The following ZNF804B variants were observed in gnomAD, a reference collection of about 807,000 sequenced individuals.
ZNF804B encodes the protein zinc finger 804B.
A neutral mutation model predicts 101.4 loss-of-function variants in ZNF804B; 80 were observed. That is an observed-to-expected ratio of 0.79 (90% CI 0.66 to 0.95). The LOEUF (loss-of-function observed/expected upper bound fraction) is 0.95. Ranked by LOEUF, ZNF804B falls within the 40% of genes least tolerant of loss-of-function variation. ZNF804B has a pLI of 0.00. For missense variants in ZNF804B, 1,673 were observed against 1,561.9 expected (o/e 1.07, Z -1.20); for synonymous variants, 622 against 558.8 (o/e 1.11, Z -1.59).
At chr7:88,898,516 T>C (rs1175550106) in intron 1 of ZNF804B, among the ~76,000 whole-genome samples, 2 of 151,988 alleles carry the variant, frequency 1.3e-5, no homozygotes, top group African/African-American at 4.8e-5. Flanking sequence ...ATCTAATTGT[T>C]CACATGTGAA....
chr7:89,230,026 G>A (rs549452357), intron 2 of ZNF804B, among the ~76,000 whole-genome samples: 2 of 152,112 alleles, frequency 1.3e-5, no homozygotes, highest in African/African-American at 4.8e-5. Context: ...TTTGTGGAAT[G>A]CGGCAAAGAG....
intron 1 of ZNF804B, among the ~76,000 whole-genome samples, chr7:88,830,512 G>GT (rs1791116449): frequency 6.6e-6 from 1 of 151,780 alleles, no homozygotes; most frequent in African/African-American, 2.4e-5. Flanking sequence ...TACTCAAAAT[G>GT]TTAACACACC....
At chr7:89,232,296 A>G (rs1262017858) in intron 2 of ZNF804B, among the ~76,000 whole-genome samples, 1 of 152,092 alleles carries the variant, frequency 6.6e-6, no homozygotes, top group Non-Finnish European at 1.5e-5. Context: ...ATGGTGGATA[A>G]CATCTTTTTT....
intron 2 of ZNF804B, among the ~76,000 whole-genome samples, chr7:89,234,045 G>A (rs1789242210): frequency 6.6e-6 from 1 of 152,120 alleles, no homozygotes; most frequent in Admixed American, 6.5e-5. Context: ...TTTGCAAAAG[G>A]GAGCTAATTC....
At chr7:89,292,987 T>C (rs1297210886) in intron 2 of ZNF804B, among the ~76,000 whole-genome samples, 2 of 152,178 alleles carry the variant, frequency 1.3e-5, no homozygotes, top group East Asian at 3.9e-4. Context: ...GGATATTTCA[T>C]AGTTATAATT....
chr7:88,911,857 A>G (rs976361315), intron 1 of ZNF804B, among the ~76,000 whole-genome samples: 9 of 151,586 alleles, frequency 5.9e-5, no homozygotes, highest in African/African-American at 2.2e-4. Flanking sequence ...CTGGTTATTT[A>G]TATTTATGGA....
intron 1 of ZNF804B, among the ~76,000 whole-genome samples, chr7:88,805,912 G>A (rs535427380): frequency 7.6e-4 from 115 of 151,514 alleles, no homozygotes; most frequent in Non-Finnish European, 1.5e-3. Context: ...AGGCAAAGCT[G>A]TTCTGGGCTC....
chr7:89,275,894 G>C (rs1789972666), intron 2 of ZNF804B, among the ~76,000 whole-genome samples: 1 of 151,550 alleles, frequency 6.6e-6, no homozygotes, highest in South Asian at 2.1e-4. Context: ...AAACCTCTTG[G>C]ATTTGCAAAG....
intron 1 of ZNF804B, among the ~76,000 whole-genome samples, chr7:89,190,916 T>A (rs551465722): frequency 1.3e-5 from 2 of 152,284 alleles, no homozygotes; most frequent in Non-Finnish European, 1.5e-5. Context: ...GTAATGCTAT[T>A]GCACACATAA....
rs1474259138 is a variant in ZNF804B, at chr7:88,888,995, C to T, written c.108+128911C>T. Among the ~76,000 whole-genome samples the T allele has an allele frequency of 1.3e-5, 2 of 152,074 alleles. 1 individual carries two copies. Among genetic ancestry groups the T allele is most frequent in the Admixed American group, 1.3e-4 (2 of 15,242 alleles). ...GTCTGTTGTTCCCATCTTTATGCTC[C>T]TGTGTGCTCATTGTTTAACTCCCAC... On this transcript the variant is annotated intron_variant, in intron 1 of 3. Coordinates refer to ENST00000333190, the MANE Select transcript of ZNF804B (RefSeq NM_181646.5).
At chr7:88,983,352 A>C (rs1793718089) in intron 1 of ZNF804B, among the ~76,000 whole-genome samples, 1 of 152,080 alleles carries the variant, frequency 6.6e-6, no homozygotes, top group African/African-American at 2.4e-5. Context: ...CAGCTTTTTA[A>C]AACACAGAAT....
chr7:89,271,608 C>G (rs960092115), intron 2 of ZNF804B, among the ~76,000 whole-genome samples: 3 of 152,142 alleles, frequency 2.0e-5, no homozygotes, highest in African/African-American at 4.8e-5. Context: ...AGGATTCCCT[C>G]TGTTCCTATT....
In ZNF804B at chr7:89,271,667, T is replaced by A. The variant is rs373205877; in HGVS notation, c.249+53372T>A. On this transcript the variant is annotated intron_variant, in intron 2 of 3. Transcript: ENST00000333190. ...TGGTACCAGCTCCTCTTTGTACCTC[T>A]GGTAGAATTCGGCTGTGAATCCGTC... is the stretch of plus-strand genomic sequence containing the variant. Among the ~76,000 whole-genome samples the A allele has an allele frequency of 1.5e-4, 23 of 152,290 alleles. No homozygotes were observed. In the East Asian group the frequency reaches 4.1e-3, roughly 27 times the overall value.
intron 2 of ZNF804B, among the ~76,000 whole-genome samples, chr7:89,308,888 C>G: frequency 6.6e-6 from 1 of 152,238 alleles, no homozygotes; most frequent in Non-Finnish European, 1.5e-5. Context: ...CAGATTTGGC[C>G]CATGGGTCTT....
At chr7:89,071,053 T>C (rs1006974296) in intron 1 of ZNF804B, among the ~76,000 whole-genome samples, 12 of 152,174 alleles carry the variant, frequency 7.9e-5, no homozygotes, top group Admixed American at 7.9e-4. Flanking sequence ...TCTTGTATAA[T>C]TTAAATCATC....
chr7:88,794,717 CTGACTGAAACATT>C, intron 1 of ZNF804B: 1 of 1,613,540 alleles, frequency 6.2e-7, no homozygotes, highest in Non-Finnish European at 8.5e-7. Context: ...TGTTTCAAAA[CTGACTGAAACATT>C]TGTTCATAGT....
At chr7:89,220,506 A>G (rs1416304410) in intron 2 of ZNF804B, among the ~76,000 whole-genome samples, 2 of 151,928 alleles carry the variant, frequency 1.3e-5, no homozygotes, top group East Asian at 1.9e-4. Context: ...CCCAACTTCA[A>G]TGATAATCAA....
chr7:88,787,558 T>C (rs1453321588), intron 1 of ZNF804B, among the ~76,000 whole-genome samples: 1 of 152,178 alleles, frequency 6.6e-6, no homozygotes, highest in Non-Finnish European at 1.5e-5. Context: ...TGTTTCAAAC[T>C]GTGAATTCTG....
At chr7:89,276,627 C>G (rs925770570) in intron 2 of ZNF804B, among the ~76,000 whole-genome samples, 1 of 151,774 alleles carries the variant, frequency 6.6e-6, no homozygotes, top group Admixed American at 6.6e-5. Context: ...CTGTGACAAT[C>G]AAAATAAAAT....
Sources: gnomAD v4.1 joint callset for allele counts (sites outside exome capture counted in the v4.1 genomes callset) on GRCh38, gnomAD v4.1.1 for gene constraint, MANE v1.5 for transcripts, NCBI Gene and HGNC (gene_info 2026-07-23, HGNC 2026-07-21) for gene names.